The following MREG variants were observed in gnomAD, a reference collection of about 807,000 sequenced individuals.
MREG encodes the protein melanoregulin, also known as dilute suppressor protein homolog.
In MREG, 31 loss-of-function variants were observed where a neutral mutation model predicts 28.5. That is an observed-to-expected ratio of 1.09 (90% confidence interval 0.82 to 1.47). The LOEUF (loss-of-function observed/expected upper bound fraction) is 1.47. MREG is among the 40% of genes most tolerant of loss of function. MREG has a pLI of 0.00. For synonymous variants in MREG, 106 were observed against 95.2 expected, an observed-to-expected ratio of 1.11 and a Z score of -0.66; for missense variants, 256 against 257.4, an observed-to-expected ratio of 0.99 and a Z score of 0.04.
At chr2:216,006,568 C>A (rs1694159377) in intron 1 of MREG, among the ~76,000 whole-genome samples, 1 of 152,228 alleles carries the variant, frequency 6.6e-6, no homozygotes, top group African/African-American at 2.4e-5. Context: ...ATGAGGTGTG[C>A]CAATCTGCCC....
At position 215,990,991 on chromosome 2, in the gene MREG, C is replaced by T. The variant is rs567664885; in HGVS notation, c.255+5315G>A. On this transcript the variant is annotated intron_variant, in intron 2 of 4. Transcript: ENST00000263268. Reference sequence around the variant, plus strand: ...GTCAATATTAGATAGATCAACGAGACAGAAAATTAACAAGGATATACAGGA... The same window carrying T: ...GTCAATATTAGATAGATCAACGAGATAGAAAATTAACAAGGATATACAGGA... 2.6e-5 allele frequency among the ~76,000 whole-genome samples: 4 copies of T among 152,240 alleles called. No individual in the cohort carries two copies. The East Asian group carries it at 7.7e-4, about 29-fold the overall frequency.
intron 1 of MREG, among the ~76,000 whole-genome samples, chr2:216,001,198 G>A (rs961814270): frequency 7.9e-5 from 12 of 151,966 alleles, no homozygotes; most frequent in South Asian, 6.2e-4. Flanking sequence ...CCAGCCTCTC[G>A]TCCTTAATCC....
chr2:215,949,074 ACTACTACTAC>A (rs1559173501), intron 2 of MREG, among the ~76,000 whole-genome samples: 1,684 of 132,240 alleles, frequency 0.013, 17 homozygotes, highest in Non-Finnish European at 0.02. Context: ...TACTACTACT[ACTACTACTAC>A]TACTAATAAT....
At chr2:215,995,261 C>T (rs1574637998) in intron 2 of MREG, among the ~76,000 whole-genome samples, 1 of 152,154 alleles carries the variant, frequency 6.6e-6, no homozygotes, top group East Asian at 1.9e-4. Flanking sequence ...GAGTCCCAGT[C>T]CACCCTTCCC....
intron 1 of MREG, among the ~76,000 whole-genome samples, chr2:216,011,507 T>G (rs1015388989): frequency 1.5e-4 from 23 of 152,248 alleles, no homozygotes; most frequent in African/African-American, 5.5e-4. Context: ...GTATGTACTA[T>G]TATCATCCCC....
At chr2:215,975,634 G>A (rs1404609408) in intron 2 of MREG, among the ~76,000 whole-genome samples, 1 of 152,172 alleles carries the variant, frequency 6.6e-6, no homozygotes, top group Non-Finnish European at 1.5e-5. Context: ...TTCGGGCAGA[G>A]ATTTTCCAAA....
chr2:216,026,946 A>C (rs1466084529), intron 1 of MREG, among the ~76,000 whole-genome samples: 2 of 152,232 alleles, frequency 1.3e-5, no homozygotes, highest in South Asian at 4.1e-4. Flanking sequence ...GGATAGCCAA[A>C]TTATGTAAAT....
chr2:215,960,223 G>A (rs181105871), intron 2 of MREG, among the ~76,000 whole-genome samples: 64 of 152,252 alleles, frequency 4.2e-4, no homozygotes, highest in African/African-American at 1.5e-3. Context: ...CCAAAGTGCT[G>A]GGATTACAGG....
chr2:216,001,730 G>C (rs1354262836), intron 1 of MREG, among the ~76,000 whole-genome samples: 1 of 152,228 alleles, frequency 6.6e-6, no homozygotes, highest in Non-Finnish European at 1.5e-5. Flanking sequence ...TGGCTCACCA[G>C]ATCCTGGGTC....
intron 1 of MREG, among the ~76,000 whole-genome samples, chr2:216,025,066 C>T (rs1392899091): frequency 6.6e-6 from 1 of 152,044 alleles, no homozygotes; most frequent in African/African-American, 2.4e-5. Flanking sequence ...AGTTTGTATC[C>T]CTTTCATGAT....
At chr2:216,000,547 C>A (rs183518602) in intron 1 of MREG, among the ~76,000 whole-genome samples, 1 of 152,168 alleles carries the variant, frequency 6.6e-6, no homozygotes, top group East Asian at 1.9e-4. Context: ...CTTTTCCTGG[C>A]ATTGGTCTTC....
intron 2 of MREG, among the ~76,000 whole-genome samples, chr2:215,995,173 G>C (rs549223384): frequency 1.6e-4 from 25 of 152,294 alleles, no homozygotes; most frequent in Admixed American, 9.2e-4. Context: ...TCACAGAGGG[G>C]ATTTTGCTGG....
chr2:215,987,394 G>C (rs949744308), intron 2 of MREG, among the ~76,000 whole-genome samples: 2 of 151,862 alleles, frequency 1.3e-5, no homozygotes, highest in Non-Finnish European at 2.9e-5. Flanking sequence ...TTACAGGTAA[G>C]TGCCATCACG....
chr2:215,943,536 T>C lies in MREG; in HGVS notation c.*1327A>G, dbSNP rs1692234564. ...CAAACACTTCAGTTTACAGATGCTA[T>C]TCCAGATAAAATGCCAAGGGCTTGG... is the stretch of plus-strand genomic sequence containing the variant. On this transcript the variant is annotated 3_prime_UTR_variant, in exon 5 of 5. Transcript: ENST00000263268. The C allele has an allele frequency of 9.2e-5, 42 of 456,062 alleles. No individual in the cohort carries two copies. Among genetic ancestry groups the C allele is most frequent in the South Asian group, 6.2e-4 (40 of 64,498 alleles). The allele number at this position is 456,062 out of a possible 1,614,324, so 28.3% of individuals were successfully genotyped here.
chr2:216,033,904 A>C (rs1177604081), upstream of MREG: 1 of 152,222 alleles, frequency 6.6e-6, no homozygotes, highest in Admixed American at 6.5e-5. Flanking sequence ...AAAATAGCCT[A>C]GAGATTTGGC....
intron 1 of MREG, among the ~76,000 whole-genome samples, chr2:216,024,891 AAAAGGAAGGG>A (rs200050638): frequency 0.066 from 9,799 of 148,710 alleles, 504 homozygotes; most frequent in South Asian, 0.19. Flanking sequence ...TCAAAAAAAA[AAAAGGAAGGG>A]AAAGGAAGGG....
At chr2:216,032,694 A>G (rs564890191) in intron 1 of MREG, 1 of 152,196 alleles carries the variant, frequency 6.6e-6, no homozygotes, top group Non-Finnish European at 1.5e-5. Context: ...TCTCCCCAGT[A>G]AATTTTATAT....
At chr2:216,007,694 T>G (rs190249792) in intron 1 of MREG, among the ~76,000 whole-genome samples, 3 of 151,784 alleles carry the variant, frequency 2.0e-5, no homozygotes, top group African/African-American at 7.2e-5. Context: ...TCTTCCGAAG[T>G]GCTGGGATTA....
chr2:216,010,236 C>G (rs1333077048), intron 1 of MREG, among the ~76,000 whole-genome samples: 2 of 151,940 alleles, frequency 1.3e-5, no homozygotes, highest in Admixed American at 1.3e-4. Flanking sequence ...TTGGGAGCAA[C>G]CAGAAGCTGG....
Sources: gnomAD v4.1 joint callset for allele counts (sites outside exome capture counted in the v4.1 genomes callset) on GRCh38, gnomAD v4.1.1 for gene constraint, MANE v1.5 for transcripts, NCBI Gene and HGNC (gene_info 2026-07-23, HGNC 2026-07-21) for gene names.